The following SORCS2 variants were observed in gnomAD, a reference collection of about 807,000 sequenced individuals.
SORCS2 encodes sortilin related VPS10 domain containing receptor 2, also known as VPS10 domain-containing receptor SorCS2.
A neutral mutation model predicts 141.6 loss-of-function variants in SORCS2; 100 were observed. That is an observed-to-expected ratio of 0.71 (90% CI 0.60 to 0.83). SORCS2 has a LOEUF of 0.83. Ranked by LOEUF, SORCS2 falls within the 40% of genes least tolerant of loss-of-function variation. The probability of loss-of-function intolerance (pLI) is 0.00; values close to 1 mark genes in which losing one functional copy is unlikely to be tolerated. For synonymous variants in SORCS2, 789 were observed against 676.9 expected, an observed-to-expected ratio of 1.17 and a Z score of -2.57; for missense variants, 1,646 against 1,560.2, an observed-to-expected ratio of 1.05 and a Z score of -0.93.
At chr4:7,576,711 G>A (rs538040877) in intron 3 of SORCS2, among the ~76,000 whole-genome samples, 2 of 152,204 alleles carry the variant, frequency 1.3e-5, no homozygotes, top group Non-Finnish European at 2.9e-5. Flanking sequence ...GCTACTGTGG[G>A]CGGGGAGGTT....
At chr4:7,732,436 C>T (rs1711774418) in intron 23 of SORCS2, among the ~76,000 whole-genome samples, 1 of 152,176 alleles carries the variant, frequency 6.6e-6, no homozygotes, top group Admixed American at 6.5e-5. Context: ...GGGCACCTCA[C>T]GCATTTGTCA....
chr4:7,426,265 G>A (rs932969267), intron 2 of SORCS2, among the ~76,000 whole-genome samples: 3 of 149,352 alleles, frequency 2.0e-5, no homozygotes, highest in African/African-American at 7.4e-5. Flanking sequence ...CCCTCAATGA[G>A]TGGCCCATCG....
At chr4:7,435,478 C>T (rs1443636077) in intron 2 of SORCS2, among the ~76,000 whole-genome samples, 1 of 152,224 alleles carries the variant, frequency 6.6e-6, no homozygotes, top group Non-Finnish European at 1.5e-5. Flanking sequence ...GGGAGTTAGT[C>T]TCTTTGAGCT....
intron 24 of SORCS2, among the ~76,000 whole-genome samples, chr4:7,733,858 C>T (rs114007855): frequency 0.011 from 1,742 of 152,306 alleles, 15 homozygotes; most frequent in Middle Eastern, 0.02. Flanking sequence ...CCAGTGGGAG[C>T]CAGGTCAAGG....
At chr4:7,736,973 C>T in intron 25 of SORCS2, 96 bp from the exon 26 acceptor site, 3 of 1,482,134 alleles carry the variant, frequency 2.0e-6, no homozygotes. Flanking sequence ...CACCGTGCAC[C>T]ACACTCGGTG....
chr4:7,562,396 T>A (rs540625677), intron 3 of SORCS2, among the ~76,000 whole-genome samples: 8 of 151,890 alleles, frequency 5.3e-5, no homozygotes, highest in Non-Finnish European at 1.0e-4. Flanking sequence ...GGAGGAGGGA[T>A]GGCCTGGGAT....
chr4:7,589,884 C>G (rs976466549), intron 3 of SORCS2, among the ~76,000 whole-genome samples: 8 of 152,202 alleles, frequency 5.3e-5, no homozygotes, highest in African/African-American at 1.7e-4. Flanking sequence ...CTGGATCTGT[C>G]ATATCTAGAG....
At chr4:7,282,287 G>C (rs773111342) in intron 1 of SORCS2, among the ~76,000 whole-genome samples, 3 of 152,192 alleles carry the variant, frequency 2.0e-5, no homozygotes, top group African/African-American at 4.8e-5. Context: ...GGACTTCTTT[G>C]AAGGTTTACC....
At chr4:7,363,257 C>G (rs1172319191) in intron 1 of SORCS2, among the ~76,000 whole-genome samples, 22 of 151,840 alleles carry the variant, frequency 1.4e-4, no homozygotes, top group Admixed American at 1.4e-3. Context: ...TCATCACCAT[C>G]ATTACTACCA....
At chr4:7,317,015 G>C (rs1207360584) in intron 1 of SORCS2, among the ~76,000 whole-genome samples, 1 of 152,178 alleles carries the variant, frequency 6.6e-6, no homozygotes, top group East Asian at 1.9e-4. Flanking sequence ...AAGGTTGCAT[G>C]GAGACCCTGT....
At chr4:7,564,012 T>C (rs1186284573) in intron 3 of SORCS2, among the ~76,000 whole-genome samples, 1 of 152,240 alleles carries the variant, frequency 6.6e-6, no homozygotes, top group African/African-American at 2.4e-5. Context: ...GCTTTCCACA[T>C]TGGGTATTTT....
chr4:7,311,082 T>C (rs1209061275), intron 1 of SORCS2, among the ~76,000 whole-genome samples: 1 of 152,122 alleles, frequency 6.6e-6, no homozygotes, highest in African/African-American at 2.4e-5. Flanking sequence ...TGATTATCTC[T>C]GTCTTCCCTC....
At chr4:7,445,941 A>G (rs1216494746) in intron 2 of SORCS2, among the ~76,000 whole-genome samples, 1 of 152,134 alleles carries the variant, frequency 6.6e-6, no homozygotes, top group African/African-American at 2.4e-5. Flanking sequence ...CCCACCCCTC[A>G]CACCTGCACA....
intron 1 of SORCS2, among the ~76,000 whole-genome samples, chr4:7,326,629 C>T (rs1261497983): frequency 6.6e-6 from 1 of 152,016 alleles, no homozygotes; most frequent in African/African-American, 2.4e-5. Flanking sequence ...GGAGGCTCAG[C>T]AGGGACCCCG....
At chr4:7,260,790 C>A (rs997445967) in intron 1 of SORCS2, among the ~76,000 whole-genome samples, 1 of 152,206 alleles carries the variant, frequency 6.6e-6, no homozygotes, top group Non-Finnish European at 1.5e-5. Context: ...CCCACTAGCG[C>A]TGGAGACACA....
intron 1 of SORCS2, among the ~76,000 whole-genome samples, chr4:7,262,375 TATCCATCCATCC>T (rs61111993): frequency 0.035 from 4,748 of 137,074 alleles, 129 homozygotes; most frequent in East Asian, 0.15. Flanking sequence ...CCTATCCATC[TATCCATCCATCC>T]ATCCATCCAT....
chr4:7,234,248 T>C (rs1577305938), intron 1 of SORCS2, among the ~76,000 whole-genome samples: 1 of 152,324 alleles, frequency 6.6e-6, no homozygotes, highest in African/African-American at 2.4e-5. Context: ...GGGCCGAGAA[T>C]AGTAGCGTGG....
chr4:7,416,322 T>C (rs1278825432), intron 2 of SORCS2, among the ~76,000 whole-genome samples: 1 of 152,094 alleles, frequency 6.6e-6, no homozygotes, highest in Non-Finnish European at 1.5e-5. Context: ...TTCAATAGGG[T>C]GCTTGGCCCA....
chr4:7,405,090 A>G (rs577165117), intron 2 of SORCS2, among the ~76,000 whole-genome samples: 5 of 152,290 alleles, frequency 3.3e-5, no homozygotes, highest in African/African-American at 7.2e-5. Context: ...CATTTTTCCC[A>G]GCACCCATTA....
Sources: gnomAD v4.1 joint callset for allele counts (sites outside exome capture counted in the v4.1 genomes callset) on GRCh38, gnomAD v4.1.1 for gene constraint, MANE v1.5 for transcripts, NCBI Gene and HGNC (gene_info 2026-07-23, HGNC 2026-07-21) for gene names.